Variants in MPP3 observed in about 807,000 individuals in gnomAD.
The protein encoded by MPP3 is MAGUK p55 subfamily member 3.
In MPP3, 48 loss-of-function variants were observed where a neutral mutation model predicts 80.7. The observed-to-expected ratio is 0.59, with a 90% CI of 0.47 to 0.76. MPP3 has a LOEUF of 0.76. Among genes scored for constraint, MPP3 ranks in the 30% least tolerant of loss-of-function variants. MPP3 has a pLI of 0.00. For synonymous variants in MPP3, 311 were observed against 297.6 expected (o/e 1.04, Z -0.46); for missense variants, 620 against 763.0 (o/e 0.81, Z 2.21).
intron 5 of MPP3, 89 bp downstream of exon 5, chr17:43,831,155 G>T: frequency 8.2e-7 from 1 of 1,217,638 alleles, no homozygotes. Flanking sequence ...GATTCCCGGT[G>T]TCCCCACACT....
At chr17:43,814,841 T>C (rs1241673985) in intron 14 of MPP3, among the ~76,000 whole-genome samples, 4 of 152,168 alleles carry the variant, frequency 2.6e-5, no homozygotes, top group East Asian at 3.9e-4. Context: ...AGGAAATACA[T>C]GCTGAGAGAT....
intron 19 of MPP3, among the ~76,000 whole-genome samples, chr17:43,805,921 G>A (rs2044594257): frequency 6.6e-6 from 1 of 152,178 alleles, no homozygotes; most frequent in African/African-American, 2.4e-5. Context: ...CTTTAAATGT[G>A]TGAATTGTAC....
intron 19 of MPP3, among the ~76,000 whole-genome samples, chr17:43,805,189 T>C (rs1465873163): frequency 1.3e-5 from 2 of 152,148 alleles, no homozygotes; most frequent in Admixed American, 6.5e-5. Flanking sequence ...CCAAGAAAGA[T>C]ATAAAAATGG....
At chr17:43,808,735 C>T (rs2044722100) in intron 19 of MPP3, among the ~76,000 whole-genome samples, 1 of 152,244 alleles carries the variant, frequency 6.6e-6, no homozygotes, top group Non-Finnish European at 1.5e-5. Flanking sequence ...GCAAAGCCAC[C>T]TGCCTGGTTT....
Position 43,824,013 on chromosome 17 carries a change from G to GA in MPP3, c.610-9dup, listed in dbSNP as rs753835193. 6.3e-7 allele frequency: 1 copy of GA among 1,597,878 alleles called. No individual in the cohort carries two copies. Among genetic ancestry groups the GA allele is most frequent in the South Asian group, 1.1e-5 (1 of 89,196 alleles). ...GGATCCCTGGGACTGGGCCTGAAAC[G>GA]AAAGAGAACAGAAGCTTCTCGCCTA... On this transcript the variant is annotated splice_polypyrimidine_tract_variant and intron_variant, in intron 9 of 19. Transcript: ENST00000398389.
At position 43,814,236 on chromosome 17, in the gene MPP3, G is replaced by T. The variant is rs1330965331; in HGVS notation, c.1135C>A (p.His379Asn). ...AGGCGGGGCCGCTCTCCGGGCTGGT[G>T]TTGGTACCTGGCCACCTCTTCGTAA... ...LTYEEVARYQ[H>N]QPGERPRLVV... Residue 379 changes from histidine to asparagine, a missense_variant, in exon 15 of 20, where the codon CAC (histidine) becomes AAC (asparagine). His to Asn is a moderately conservative substitution (Grantham distance 68). Transcript: ENST00000398389. The T allele has an allele frequency of 6.2e-7, 1 of 1,613,654 alleles. No individual in the cohort carries two copies. Among genetic ancestry groups the T allele is most frequent in the East Asian group, 2.2e-5 (1 of 44,864 alleles).
At chr17:43,817,927 A>T in intron 12 of MPP3, 119 bp downstream of exon 12, 1 of 411,740 alleles carries the variant, frequency 2.4e-6, no homozygotes, top group Non-Finnish European at 4.1e-6. Context: ...GGAGTCCATG[A>T]GCTCAGACAA....
chr17:43,814,360 A>T lies in MPP3; in HGVS notation c.1011T>A (p.Ala337=). Residue 337 remains alanine (A), a splice_region_variant and synonymous_variant, in exon 15 of 20, where the codon GCT becomes GCA. Transcript: ENST00000398389. ...CEGYLKGHYV[A]GLRRSFRLGC... Reference sequence around the variant, plus strand: ...CCAGCCGGAAGCTCCTCCGAAGACCAGCTTGGGAGGAGGGGCAGAGGGACA... The same window carrying T: ...CCAGCCGGAAGCTCCTCCGAAGACCTGCTTGGGAGGAGGGGCAGAGGGACA... The T allele has an allele frequency of 6.3e-7, 1 of 1,598,996 alleles. No homozygotes were observed. Among genetic ancestry groups the T allele is most frequent in the South Asian group, 1.1e-5 (1 of 90,138 alleles).
Position 43,810,816 on chromosome 17 carries a change from C to T in MPP3, c.1449G>A (p.Val483=). The part of the protein sequence containing the change: ...MAKNKVCLVD[V]EPEALKQLRT... ...AGGCCCAGCAACTCACTTCTGGCTC[C>T]ACATCCACCAAACAAACTTTGTTTT... The change falls in exon 18 of 20, where the codon GTG becomes GTA. Residue 483 remains valine (V), a synonymous_variant. Coordinates refer to ENST00000398389, the MANE Select transcript of MPP3 (RefSeq NM_001932.6). 6.2e-7 allele frequency: 1 copy of T among 1,605,542 alleles called. No individual in the cohort carries two copies. The highest frequency in any genetic ancestry group is 8.5e-7 in the Non-Finnish European group (1 of 1,177,236).
chr17:43,827,800 C>T lies in MPP3; in HGVS notation c.474G>A (p.Gly158=). ...GATIRRDEHS[G]AVVVARIMRG... ...GCATGATCCTGGCCACCACAACAGC[C>T]CCTGAGTGCTCGTCCCGCCGGATGG... is the stretch of plus-strand genomic sequence containing the variant. Residue 158 remains glycine (G), a synonymous_variant, in exon 8 of 20, where the codon GGG becomes GGA. Coordinates refer to ENST00000398389, the MANE Select transcript of MPP3 (RefSeq NM_001932.6). The T allele has an allele frequency of 1.2e-6, 2 of 1,613,230 alleles. No homozygotes were observed. The highest frequency in any genetic ancestry group is 1.7e-5 in the Admixed American group (1 of 60,026).
At chr17:43,813,928 T>C (rs1263127679) in intron 16 of MPP3, 83 bp downstream of exon 16, 10 of 1,158,838 alleles carry the variant, frequency 8.6e-6, no homozygotes, top group South Asian at 1.5e-5. Context: ...AAGTAAGGAT[T>C]TGGATGGATC....
At chr17:43,807,255 G>A (rs2044658880) in intron 19 of MPP3, among the ~76,000 whole-genome samples, 1 of 149,578 alleles carries the variant, frequency 6.7e-6, no homozygotes, top group Non-Finnish European at 1.5e-5. Flanking sequence ...TTATAGGCGT[G>A]AGCCACCATG....
At position 43,829,753 on chromosome 17, in the gene MPP3, ATTC is replaced by A; in HGVS notation, c.339_341del (p.Lys113del). 1 of 1,614,008 alleles carries A rather than the reference ATTC, an allele frequency of 6.2e-7. No homozygotes were observed. The highest frequency in any genetic ancestry group is 1.1e-5 in the South Asian group (1 of 91,080). On this transcript the variant is annotated inframe_deletion, in exon 7 of 20. Coordinates refer to ENST00000398389, the MANE Select transcript of MPP3 (RefSeq NM_001932.6). ...GCAGAGGCGGGAGAACGGGGTCAAA[ATTC>A]TTCTGGGCAACCGTGTCATGTACCA... is the stretch of plus-strand genomic sequence containing the variant.
chr17:43,811,319 C>T (rs963290403), intron 16 of MPP3, 114 bp from the exon 17 acceptor site: 3 of 755,074 alleles, frequency 4.0e-6, no homozygotes, highest in Admixed American at 4.2e-5. Flanking sequence ...CTAAACCAGG[C>T]ACTTCCACCT....
At chr17:43,805,077 A>G (rs1344245882) in intron 19 of MPP3, among the ~76,000 whole-genome samples, 1 of 152,218 alleles carries the variant, frequency 6.6e-6, no homozygotes, top group Non-Finnish European at 1.5e-5. Context: ...CAAATCATGC[A>G]TCTGACAAGG....
chr17:43,801,912 G>C (rs1286050443), intron 19 of MPP3, 35 bp from the exon 20 acceptor site: 1 of 1,596,196 alleles, frequency 6.3e-7, no homozygotes, highest in Non-Finnish European at 8.5e-7. Context: ...GAGCAACTGG[G>C]TTGTTCTCCT....
intron 14 of MPP3, among the ~76,000 whole-genome samples, chr17:43,815,150 G>C (rs527424465): frequency 6.6e-6 from 1 of 151,970 alleles, no homozygotes; most frequent in Admixed American, 6.6e-5. Flanking sequence ...TGGGCAACAT[G>C]GTGAAACCCT....
At chr17:43,831,427 G>C in intron 4 of MPP3, 106 bp from the exon 5 acceptor site, 1 of 1,384,034 alleles carries the variant, frequency 7.2e-7, no homozygotes, top group Non-Finnish European at 1.0e-6. Flanking sequence ...GGCACCATAA[G>C]AGAAAGTCCT....
At chr17:43,829,472 G>T (rs1264301165) in intron 7 of MPP3, among the ~76,000 whole-genome samples, 182 bp downstream of exon 7, 1 of 152,170 alleles carries the variant, frequency 6.6e-6, no homozygotes, top group Non-Finnish European at 1.5e-5. Flanking sequence ...GTTGAGAGGG[G>T]CTGTATCCAC....
Sources: allele counts gnomAD v4.1 joint callset (sites outside exome capture counted in the v4.1 genomes callset), GRCh38; gene constraint gnomAD v4.1.1; transcripts MANE v1.5; gene names NCBI Gene and HGNC (gene_info 2026-07-23, HGNC 2026-07-21).